Variants in ERBB4 observed in about 807,000 individuals in gnomAD.
The protein encoded by ERBB4 is erb-b2 receptor tyrosine kinase 4, also known as receptor tyrosine-protein kinase erbB-4.
A neutral mutation model predicts 158.0 loss-of-function variants in ERBB4; 42 were observed. The ratio of observed to expected loss-of-function variants is 0.27; its 90% CI spans 0.21 to 0.34. The LOEUF (loss-of-function observed/expected upper bound fraction) is 0.34. Ranked by LOEUF, ERBB4 falls within the 10% of genes least tolerant of loss-of-function variation. The pLI, the probability that ERBB4 is intolerant of heterozygous loss-of-function variation, is 1.00. For synonymous variants in ERBB4, 583 were observed against 558.7 expected (o/e 1.04, Z -0.61); for missense variants, 1,333 against 1,624.1 (o/e 0.82, Z 3.08).
At chr2:212,421,079 A>G (rs1048904740) in intron 1 of ERBB4, among the ~76,000 whole-genome samples, 11 of 152,136 alleles carry the variant, frequency 7.2e-5, no homozygotes, top group Non-Finnish European at 1.3e-4. Flanking sequence ...TATAGTCAGA[A>G]ATGAAAATTT....
At chr2:212,003,715 C>T (rs2076195750) in intron 2 of ERBB4, among the ~76,000 whole-genome samples, 1 of 152,112 alleles carries the variant, frequency 6.6e-6, no homozygotes, top group African/African-American at 2.4e-5. Flanking sequence ...TTGAATGATA[C>T]TAGCGTATTA....
At chr2:212,236,406 G>A (rs1264142526) in intron 1 of ERBB4, among the ~76,000 whole-genome samples, 1 of 152,188 alleles carries the variant, frequency 6.6e-6, no homozygotes, top group Non-Finnish European at 1.5e-5. Context: ...ATGTTCATCT[G>A]GGATAGTGGC....
intron 2 of ERBB4, among the ~76,000 whole-genome samples, chr2:211,973,819 A>T (rs2081528474): frequency 6.6e-6 from 1 of 152,202 alleles, no homozygotes; most frequent in African/African-American, 2.4e-5. Context: ...TAGCAAAGAC[A>T]TGGATTCAAC....
At chr2:211,774,462 G>T (rs1156652712) in intron 4 of ERBB4, among the ~76,000 whole-genome samples, 1 of 151,852 alleles carries the variant, frequency 6.6e-6, no homozygotes, top group South Asian at 2.1e-4. Context: ...GCTGCATAGG[G>T]TCTTCTCACC....
chr2:211,895,824 G>T (rs1170904645), intron 3 of ERBB4, among the ~76,000 whole-genome samples: 1 of 152,048 alleles, frequency 6.6e-6, no homozygotes, highest in African/African-American at 2.4e-5. Context: ...AACAGCTCTT[G>T]TTAGGGTCAC....
At chr2:211,600,381 A>G (rs2068763797) in intron 19 of ERBB4, among the ~76,000 whole-genome samples, 1 of 152,194 alleles carries the variant, frequency 6.6e-6, no homozygotes, top group Non-Finnish European at 1.5e-5. Context: ...GATCTCAGAA[A>G]AATGATAAGA....
intron 20 of ERBB4, among the ~76,000 whole-genome samples, chr2:211,447,546 T>TA: frequency 6.6e-6 from 1 of 152,314 alleles, no homozygotes; most frequent in East Asian, 1.9e-4. Flanking sequence ...TGTTAAAATA[T>TA]AATGGTTCTT....
chr2:211,464,333 T>C (rs1224774320), intron 20 of ERBB4, among the ~76,000 whole-genome samples: 1 of 152,130 alleles, frequency 6.6e-6, no homozygotes, highest in Non-Finnish European at 1.5e-5. Flanking sequence ...CTGCGTAGAG[T>C]TATGCAATAC....
chr2:211,685,148 T>G (rs2072512374), intron 12 of ERBB4, among the ~76,000 whole-genome samples: 1 of 152,240 alleles, frequency 6.6e-6, no homozygotes, highest in Non-Finnish European at 1.5e-5. Flanking sequence ...GTTGAATTTA[T>G]CATTTTGTTT....
In ERBB4 at chr2:211,751,060, T is replaced by C. The variant is rs555476046; in HGVS notation, c.557-356A>G. Among the ~76,000 whole-genome samples the C allele has an allele frequency of 2.0e-5, 3 of 152,300 alleles. No homozygotes were observed. The Middle Eastern group carries it at 0.01, about 522-fold the overall frequency. On this transcript the variant is annotated intron_variant, in intron 4 of 27. Transcript: ENST00000342788. ...TTGATCTATTCTACTTGATATAATTTCCAGAGATCACACCTTACTGAGAGC... is the reference window on the plus strand; with the variant it reads ...TTGATCTATTCTACTTGATATAATTCCCAGAGATCACACCTTACTGAGAGC...
chr2:211,965,470 T>A (rs984059231), intron 2 of ERBB4, among the ~76,000 whole-genome samples: 6 of 152,202 alleles, frequency 3.9e-5, no homozygotes, highest in African/African-American at 1.4e-4. Flanking sequence ...ATAAATGCTC[T>A]AGTGTTGAAA....
At chr2:212,125,775 T>C (rs2079905857) in intron 1 of ERBB4, among the ~76,000 whole-genome samples, 1 of 152,268 alleles carries the variant, frequency 6.6e-6, no homozygotes, top group Non-Finnish European at 1.5e-5. Context: ...CTGCATAGTA[T>C]TCCATGGTAT....
At chr2:212,362,960 G>T (rs566876608) in intron 1 of ERBB4, among the ~76,000 whole-genome samples, 1 of 151,074 alleles carries the variant, frequency 6.6e-6, no homozygotes, top group African/African-American at 2.4e-5. Context: ...GCATTTTACT[G>T]CCTATAAAAA....
At chr2:211,617,743 G>C (rs1349214468) in intron 19 of ERBB4, among the ~76,000 whole-genome samples, 1 of 152,000 alleles carries the variant, frequency 6.6e-6, no homozygotes, top group Non-Finnish European at 1.5e-5. Flanking sequence ...ACTTGTAAAG[G>C]AGCTTACAAG....
chr2:211,773,629 T>G (rs1422763920), intron 4 of ERBB4, among the ~76,000 whole-genome samples: 1 of 51,078 alleles, frequency 2.0e-5, no homozygotes, highest in Non-Finnish European at 4.1e-5. Context: ...TATATATATA[T>G]ATATATATAT....
chr2:212,344,731 A>T (rs541727834), intron 1 of ERBB4, among the ~76,000 whole-genome samples: 2 of 152,304 alleles, frequency 1.3e-5, no homozygotes, highest in East Asian at 3.9e-4. Flanking sequence ...GCATCATTTA[A>T]TTTATTGTCT....
chr2:212,280,076 A>C lies in ERBB4; in HGVS notation c.83-155173T>G, dbSNP rs938813179. Among the ~76,000 whole-genome samples the C allele has an allele frequency of 3.2e-4, 48 of 151,796 alleles. 1 individual carries two copies. The South Asian group carries it at 7.9e-3, about 25-fold the overall frequency. ...AAAGAACTTGAAAATCTGCCTCAGA[A>C]GATGGGAAATAAATTATTTGAAAAA... On this transcript the variant is annotated intron_variant, in intron 1 of 27. Coordinates refer to ENST00000342788, the MANE Select transcript of ERBB4 (RefSeq NM_005235.3).
intron 4 of ERBB4, among the ~76,000 whole-genome samples, chr2:211,756,239 T>C (rs116190230): frequency 0.013 from 1,952 of 152,158 alleles, 50 homozygotes; most frequent in African/African-American, 0.044. Flanking sequence ...AATATAGGTA[T>C]GTATAAAGTG....
chr2:211,476,518 G>A (rs1164420790), intron 20 of ERBB4, among the ~76,000 whole-genome samples: 1 of 150,608 alleles, frequency 6.6e-6, no homozygotes, highest in African/African-American at 2.4e-5. Flanking sequence ...AGTTACAGAA[G>A]AGTAGAAGAA....
Sources: allele counts gnomAD v4.1 joint callset (sites outside exome capture counted in the v4.1 genomes callset), GRCh38; gene constraint gnomAD v4.1.1; transcripts MANE v1.5; gene names NCBI Gene and HGNC (gene_info 2026-07-23, HGNC 2026-07-21).